The following NHEJ1 variants were observed in gnomAD, a reference collection of about 807,000 sequenced individuals.
The protein encoded by NHEJ1 is non-homologous end joining factor 1, also known as non-homologous end-joining factor 1.
NHEJ1 carries 22 observed loss-of-function variants against 39.4 expected under a neutral mutation model. That is an observed-to-expected ratio of 0.56 (90% CI 0.40 to 0.80). NHEJ1 has a LOEUF of 0.80. NHEJ1 is among the 30% of genes least tolerant of loss of function. The pLI is 0.00. For synonymous variants in NHEJ1, 154 were observed against 135.6 expected (o/e 1.14, Z -0.94); for missense variants, 329 against 357.1 (o/e 0.92, Z 0.63).
chr2:219,096,469 C>T (rs1254191580), intron 5 of NHEJ1, among the ~76,000 whole-genome samples: 1 of 152,084 alleles, frequency 6.6e-6, no homozygotes, highest in East Asian at 1.9e-4. Flanking sequence ...ATACAAAAAT[C>T]CCTGCCCTTG....
In NHEJ1 at chr2:219,137,570, C is replaced by CAAAAA. The variant is rs58279021; in HGVS notation, c.588+9105_588+9109dup. Among the ~76,000 whole-genome samples, 110 of 34,728 alleles carry CAAAAA rather than the reference C, an allele frequency of 3.2e-3. 1 individual carries two copies. The highest frequency in any genetic ancestry group is 5.1e-3 in the Non-Finnish European group (82 of 16,034). The allele number at this position is 34,728 out of a possible 152,430, so 22.8% of individuals were successfully genotyped here. A position where few individuals can be genotyped will look rare whatever the true frequency, so the allele number is the denominator to read the frequency against. ...AATGGAGAAATAAATGTGTTACAGG[C>CAAAAA]AAAAAAAAAAAAAAAAAAAAAACAA... On this transcript the variant is annotated intron_variant, in intron 5 of 7. Coordinates refer to ENST00000356853, the MANE Select transcript of NHEJ1 (RefSeq NM_024782.3).
At chr2:219,154,544 TTACAGAC>T (rs1182664929) in intron 3 of NHEJ1, among the ~76,000 whole-genome samples, 1 of 152,212 alleles carries the variant, frequency 6.6e-6, no homozygotes, top group African/African-American at 2.4e-5. Context: ...CTGTGTGACC[TTACAGAC>T]ATACACACAA....
chr2:219,134,152 T>A (rs937217763), intron 5 of NHEJ1, among the ~76,000 whole-genome samples: 1 of 152,232 alleles, frequency 6.6e-6, no homozygotes, highest in African/African-American at 2.4e-5. Context: ...AGACCATGAA[T>A]TGCCTAAGGG....
chr2:219,107,626 C>T (rs1423652458), intron 5 of NHEJ1, among the ~76,000 whole-genome samples: 1 of 152,164 alleles, frequency 6.6e-6, no homozygotes, highest in Non-Finnish European at 1.5e-5. Flanking sequence ...ATCTTAGTTG[C>T]TCCATATGGA....
chr2:219,092,511 G>C (rs1173747571), intron 5 of NHEJ1, among the ~76,000 whole-genome samples: 1 of 152,164 alleles, frequency 6.6e-6, no homozygotes, highest in Non-Finnish European at 1.5e-5. Context: ...TGATACGAAA[G>C]TATCTGTGAT....
chr2:219,119,241 C>G (rs1163429423), intron 5 of NHEJ1, among the ~76,000 whole-genome samples: 2 of 152,196 alleles, frequency 1.3e-5, no homozygotes, highest in Non-Finnish European at 2.9e-5. Flanking sequence ...AGATGGAAAT[C>G]TGTCAAAAGA....
chr2:219,158,022 CACACACACACACACACAA>C (rs910757857), intron 2 of NHEJ1, among the ~76,000 whole-genome samples, 146 bp downstream of exon 2: 4 of 151,788 alleles, frequency 2.6e-5, no homozygotes, highest in Admixed American at 6.6e-5. Flanking sequence ...CACACACACA[CACACACACACACACACAA>C]AGATTCCAGG....
At chr2:219,129,523 G>A (rs12694447) in intron 5 of NHEJ1, among the ~76,000 whole-genome samples, 76,276 of 152,028 alleles carry the variant, frequency 0.5, 21,337 homozygotes, top group Non-Finnish European at 0.63. Context: ...ATTAATCAAG[G>A]GAGCTTACTC....
chr2:219,119,888 G>A (rs542010739), intron 5 of NHEJ1, among the ~76,000 whole-genome samples: 1 of 152,244 alleles, frequency 6.6e-6, no homozygotes, highest in African/African-American at 2.4e-5. Context: ...TCTTTGTGAC[G>A]TTCCTTCTCC....
chr2:219,100,706 TTCCCACAGGGACCAAGAA>T (rs1258407713), intron 5 of NHEJ1, among the ~76,000 whole-genome samples: 1 of 151,410 alleles, frequency 6.6e-6, no homozygotes, highest in Non-Finnish European at 1.5e-5. Flanking sequence ...AGAATGCAGA[TTCCCACAGGGACCAAGAA>T]TCCCACCAAG....
At chr2:219,079,360 C>A (rs1359851803) in intron 5 of NHEJ1, among the ~76,000 whole-genome samples, 4 of 152,164 alleles carry the variant, frequency 2.6e-5, no homozygotes, top group African/African-American at 7.2e-5. Flanking sequence ...TTGGCCCATA[C>A]CTTGGGTCAA....
In NHEJ1 at chr2:219,069,611, TCAAAGATGATGGCGGTCATCAAATGG is replaced by T. The variant is rs1250200374; in HGVS notation, c.*6744_*6769del. 1 of 152,176 alleles carries T rather than the reference TCAAAGATGATGGCGGTCATCAAATGG, an allele frequency of 6.6e-6. No homozygotes were observed. The highest frequency in any genetic ancestry group is 1.9e-4 in the East Asian group (1 of 5,200). The allele number at this position is 152,176 out of a possible 1,614,324, so 9.4% of individuals were successfully genotyped here. ...GTATGCATGGTTCTGGATGGGAATC[TCAAAGATGATGGCGGTCATCAAATGG>T]AACTGAAGCAGGTAGAGAAAGTGGT... On this transcript the variant is annotated 3_prime_UTR_variant, in exon 8 of 8. Coordinates refer to ENST00000356853, the MANE Select transcript of NHEJ1 (RefSeq NM_024782.3).
intron 5 of NHEJ1, among the ~76,000 whole-genome samples, chr2:219,091,735 T>A (rs1189458384): frequency 6.6e-6 from 1 of 152,198 alleles, no homozygotes; most frequent in African/African-American, 2.4e-5. Context: ...TTTCCAGGAC[T>A]GGGAGATAAC....
intron 5 of NHEJ1, among the ~76,000 whole-genome samples, chr2:219,082,925 A>C (rs1245038951): frequency 6.6e-6 from 1 of 152,258 alleles, no homozygotes. Flanking sequence ...TCCCTTAGGA[A>C]TAAGAGCATA....
At chr2:219,086,951 T>C (rs1445572945) in intron 5 of NHEJ1, among the ~76,000 whole-genome samples, 1 of 151,974 alleles carries the variant, frequency 6.6e-6, no homozygotes, top group African/African-American at 2.4e-5. Flanking sequence ...GCACAAACCA[T>C]GGCTTTCTAG....
Position 219,128,945 on chromosome 2 carries a change from C to T in NHEJ1, c.588+17735G>A, listed in dbSNP as rs116221312. ...ACTTCCTATAGCCTACTTTCTATCC[C>T]CCATATGGTTTGGTCTAAAAGCAAA... On this transcript the variant is annotated intron_variant, in intron 5 of 7. Transcript: ENST00000356853. Among the ~76,000 whole-genome samples the T allele has an allele frequency of 4.4e-3, 674 of 152,300 alleles. 8 individuals carry two copies. The highest frequency in any genetic ancestry group is 7.0e-3 in the South Asian group (34 of 4,830).
intron 3 of NHEJ1, among the ~76,000 whole-genome samples, chr2:219,148,751 C>T (rs1949766121): frequency 6.6e-6 from 1 of 152,128 alleles, no homozygotes; most frequent in Admixed American, 6.5e-5. Context: ...CTCATGATAG[C>T]CCAGAAGGAC....
At chr2:219,142,927 T>C (rs1386399772) in intron 5 of NHEJ1, among the ~76,000 whole-genome samples, 1 of 152,190 alleles carries the variant, frequency 6.6e-6, no homozygotes, top group Middle Eastern at 3.2e-3. Flanking sequence ...TCAGAGGCTC[T>C]TAGACAGAGT....
intron 5 of NHEJ1, among the ~76,000 whole-genome samples, chr2:219,121,886 A>T (rs1949474831): frequency 6.6e-6 from 1 of 152,162 alleles, no homozygotes; most frequent in Non-Finnish European, 1.5e-5. Context: ...AATGCTAAAT[A>T]CAATAGTAGG....
Sources: gnomAD v4.1 joint callset for allele counts (sites outside exome capture counted in the v4.1 genomes callset) on GRCh38, gnomAD v4.1.1 for gene constraint, MANE v1.5 for transcripts, NCBI Gene and HGNC (gene_info 2026-07-23, HGNC 2026-07-21) for gene names.